The following PCP4 variants were observed in gnomAD, a reference collection of about 807,000 sequenced individuals.
PCP4 encodes calmodulin regulator protein PCP4.
PCP4 carries 8 observed loss-of-function variants against 10.0 expected under a neutral mutation model. That is an observed-to-expected ratio of 0.80 (90% CI 0.47 to 1.45). The LOEUF (loss-of-function observed/expected upper bound fraction) is 1.45, where lower values mean the gene tolerates loss of function less well. Ranked by LOEUF, PCP4 falls within the 40% of genes most tolerant of loss-of-function variation. The pLI is 0.00. For missense variants in PCP4, 54 were observed against 74.4 expected (o/e 0.73, Z 1.01); for synonymous variants, 21 against 23.0 (o/e 0.91, Z 0.24).
At chr21:39,870,668 G>C (rs2087315187) in intron 1 of PCP4, among the ~76,000 whole-genome samples, 1 of 152,216 alleles carries the variant, frequency 6.6e-6, no homozygotes, top group Non-Finnish European at 1.5e-5. Context: ...GGCAAGGTTG[G>C]AAGGCATAAG....
At chr21:39,926,481 C>CCG (rs2087621725) in intron 2 of PCP4, among the ~76,000 whole-genome samples, 1 of 89,138 alleles carries the variant, frequency 1.1e-5, no homozygotes, top group African/African-American at 4.6e-5. Flanking sequence ...AGGGAAACTT[C>CCG]CCCTCCTACT....
At chr21:39,899,049 C>T (rs376125644) in intron 2 of PCP4, among the ~76,000 whole-genome samples, 2 of 152,260 alleles carry the variant, frequency 1.3e-5, no homozygotes, top group South Asian at 2.1e-4. Flanking sequence ...TGCATCCTGC[C>T]TCTTCATGGG....
chr21:39,921,559 G>A (rs949243942), intron 2 of PCP4, among the ~76,000 whole-genome samples: 1 of 152,196 alleles, frequency 6.6e-6, no homozygotes, highest in Non-Finnish European at 1.5e-5. Flanking sequence ...TAGGTCAGGT[G>A]CTGTTATAGG....
At chr21:39,911,819 GGAA>G (rs1299252109) in intron 2 of PCP4, among the ~76,000 whole-genome samples, 2 of 152,222 alleles carry the variant, frequency 1.3e-5, no homozygotes, top group South Asian at 4.1e-4. Context: ...ACTTGTTTGT[GGAA>G]GAAGGAGATA....
Position 39,925,745 on chromosome 21 carries a change from C to A in PCP4, c.62-3239C>A, listed in dbSNP as rs555806355. ...AGGGCCCCCTGTACTGCTCGTGGGT[C>A]CCCGCCTCTGCCCGGGAGTGATGGG... is the stretch of plus-strand genomic sequence containing the variant. On this transcript the variant is annotated intron_variant, in intron 2 of 2. Coordinates refer to ENST00000328619, the MANE Select transcript of PCP4 (RefSeq NM_006198.3). Among the ~76,000 whole-genome samples the A allele has an allele frequency of 5.3e-5, 8 of 152,214 alleles. No individual in the cohort carries two copies. In the South Asian group the frequency reaches 1.7e-3, roughly 32 times the overall value.
chr21:39,917,457 C>A (rs1178974617), intron 2 of PCP4, among the ~76,000 whole-genome samples: 1 of 152,206 alleles, frequency 6.6e-6, no homozygotes, highest in Non-Finnish European at 1.5e-5. Flanking sequence ...CCTCCAGCTT[C>A]TCAGCCTGGT....
rs777000487 is a variant in PCP4, at chr21:39,898,460, TA to T, written c.10-15del. 8.7e-6 allele frequency: 14 copies of T among 1,611,420 alleles called. No homozygotes were observed. The highest frequency in any genetic ancestry group is 3.3e-4 in the Middle Eastern group (2 of 6,080). On this transcript the variant is annotated splice_polypyrimidine_tract_variant and intron_variant, in intron 1 of 2. Coordinates refer to ENST00000328619, the MANE Select transcript of PCP4 (RefSeq NM_006198.3). ...TCTGATAACAATTGCTTTTTTCTTT[TA>T]TTTTTTGCCTTTAGCGACAAGGTGC...
intron 1 of PCP4, among the ~76,000 whole-genome samples, chr21:39,873,730 G>A (rs577832107): frequency 7.6e-4 from 116 of 152,284 alleles, no homozygotes; most frequent in African/African-American, 2.5e-3. Context: ...GGGAATGTTC[G>A]ATAATGGATT....
intron 1 of PCP4, among the ~76,000 whole-genome samples, chr21:39,882,472 A>G (rs2087380607): frequency 6.6e-6 from 1 of 152,140 alleles, no homozygotes. Flanking sequence ...GGGGGAATGG[A>G]AAGCTGGCAT....
At chr21:39,914,573 C>CAAAAAAAAAAAAA (rs55775259) in intron 2 of PCP4, among the ~76,000 whole-genome samples, 2 of 118,936 alleles carry the variant, frequency 1.7e-5, no homozygotes, top group African/African-American at 3.3e-5. Context: ...AGAGCTGTCT[C>CAAAAAAAAAAAAA]AAAAAAAAAA....
At chr21:39,911,496 C>T (rs1392081077) in intron 2 of PCP4, among the ~76,000 whole-genome samples, 4 of 152,166 alleles carry the variant, frequency 2.6e-5, no homozygotes, top group East Asian at 1.9e-4. Context: ...CCTCTGGTGG[C>T]AATTGGCATA....
At chr21:39,914,989 C>A (rs999473217) in intron 2 of PCP4, among the ~76,000 whole-genome samples, 1 of 152,048 alleles carries the variant, frequency 6.6e-6, no homozygotes, top group Non-Finnish European at 1.5e-5. Flanking sequence ...AGACCTAGTG[C>A]AGAATGAAGG....
At chr21:39,923,748 A>G (rs1888504) in intron 2 of PCP4, among the ~76,000 whole-genome samples, 55,072 of 152,002 alleles carry the variant, frequency 0.36, 10,521 homozygotes, top group Middle Eastern at 0.43. Flanking sequence ...TTGTACTGCA[A>G]TCTGGACATG....
chr21:39,915,448 G>A (rs1001647384), intron 2 of PCP4, among the ~76,000 whole-genome samples: 2 of 152,260 alleles, frequency 1.3e-5, no homozygotes, highest in East Asian at 1.9e-4. Flanking sequence ...TATCACACAC[G>A]TGTAGAAGAT....
At chr21:39,880,106 CTATCTATATCTATATCTATATCTG>C (rs2087365597) in intron 1 of PCP4, among the ~76,000 whole-genome samples, 1 of 142,102 alleles carries the variant, frequency 7.0e-6, no homozygotes, top group African/African-American at 2.7e-5. Flanking sequence ...ATATCTATAT[CTATCTATATCTATATCTATATCTG>C]TATCTATATC....
intron 1 of PCP4, among the ~76,000 whole-genome samples, chr21:39,891,337 C>T (rs1430684431): frequency 6.6e-6 from 1 of 152,172 alleles, no homozygotes; most frequent in Non-Finnish European, 1.5e-5. Flanking sequence ...CTGCCCACAT[C>T]AATCACCTCC....
chr21:39,880,556 G>A (rs763099426), intron 1 of PCP4, among the ~76,000 whole-genome samples: 1 of 152,106 alleles, frequency 6.6e-6, no homozygotes, highest in Non-Finnish European at 1.5e-5. Flanking sequence ...AAATGTCCTC[G>A]AATTCTGATT....
At chr21:39,877,957 T>C (rs1446186340) in intron 1 of PCP4, among the ~76,000 whole-genome samples, 1 of 152,152 alleles carries the variant, frequency 6.6e-6, no homozygotes, top group African/African-American at 2.4e-5. Flanking sequence ...TAATCAGTCA[T>C]CACAAATTTT....
intron 2 of PCP4, among the ~76,000 whole-genome samples, chr21:39,900,904 A>C (rs1475322526): frequency 8.3e-5 from 1 of 12,064 alleles, no homozygotes; most frequent in Non-Finnish European, 1.5e-4. Context: ...AAATGGAGAA[A>C]GTTTTAAATG....
Sources: allele counts gnomAD v4.1 joint callset (sites outside exome capture counted in the v4.1 genomes callset), GRCh38; gene constraint gnomAD v4.1.1; transcripts MANE v1.5; gene names NCBI Gene and HGNC (gene_info 2026-07-23, HGNC 2026-07-21).